The following TPGS2 variants were observed in gnomAD, a reference collection of about 807,000 sequenced individuals.
TPGS2 encodes tubulin polyglutamylase complex subunit 2, also known as polyglutamylase subunit 2.
TPGS2 carries 26 observed loss-of-function variants against 31.1 expected under a neutral mutation model. That is an observed-to-expected ratio of 0.84 (90% CI 0.61 to 1.16). The LOEUF (loss-of-function observed/expected upper bound fraction) is 1.16. Among genes scored for constraint, TPGS2 ranks in the 50% most tolerant of loss-of-function variants. The pLI is 0.00. For synonymous variants in TPGS2, 130 were observed against 136.6 expected, an observed-to-expected ratio of 0.95 and a Z score of 0.34; for missense variants, 351 against 363.8, an observed-to-expected ratio of 0.96 and a Z score of 0.29.
At chr18:36,790,270 A>G (rs1002003384), downstream of TPGS2, 1 of 152,194 alleles carries the variant, frequency 6.6e-6, no homozygotes, top group Non-Finnish European at 1.5e-5. Flanking sequence ...TGGTGGTGGT[A>G]TATGTTTTCA....
chr18:36,808,875 T>A (rs2045292215), intron 2 of TPGS2, among the ~76,000 whole-genome samples: 1 of 152,090 alleles, frequency 6.6e-6, no homozygotes, highest in Non-Finnish European at 1.5e-5. Flanking sequence ...TGACCAGTCT[T>A]CCCTAGCCAA....
At chr18:36,814,163 T>C (rs2045554363) in intron 2 of TPGS2, among the ~76,000 whole-genome samples, 1 of 152,224 alleles carries the variant, frequency 6.6e-6, no homozygotes, top group Non-Finnish European at 1.5e-5. Flanking sequence ...AACTATGAAA[T>C]GTCACTGAAA....
intron 3 of TPGS2, among the ~76,000 whole-genome samples, chr18:36,807,269 G>A (rs2045198954): frequency 6.6e-6 from 1 of 152,178 alleles, no homozygotes; most frequent in Non-Finnish European, 1.5e-5. Flanking sequence ...AATCTGACAT[G>A]TACAAACTTG....
Position 36,805,467 on chromosome 18 carries a change from T to TGTTA in TPGS2, c.285_288dup (p.Ser97Ter). On this transcript the variant is annotated stop_gained and frameshift_variant, in exon 4 of 7. Coordinates refer to ENST00000334295, the MANE Select transcript of TPGS2 (RefSeq NM_015476.4). LOFTEE classifies it high-confidence loss of function. ...GTGAGCTGAGTCAGTTTTGAGATGC[T>TGTTA]GTTAATTGCCATGCTTCCCAGTGGA... is the stretch of plus-strand genomic sequence containing the variant. 6.2e-7 allele frequency: 1 copy of TGTTA among 1,614,080 alleles called. No individual in the cohort carries two copies. The highest frequency in any genetic ancestry group is 1.1e-5 in the South Asian group (1 of 91,070).
chr18:36,798,753 C>A, intron 5 of TPGS2, 144 bp from the exon 6 acceptor site: 1 of 1,337,796 alleles, frequency 7.5e-7, no homozygotes, highest in Non-Finnish European at 9.9e-7. Flanking sequence ...CCCCTTCTGC[C>A]CCACTTCTAA....
intron 3 of TPGS2, 31 bp downstream of exon 3, chr18:36,807,816 G>C (rs757398791): frequency 1.9e-6 from 3 of 1,603,082 alleles, no homozygotes; most frequent in Non-Finnish European, 1.7e-6. Flanking sequence ...CTCAGCCAGG[G>C]AAATGTTCTC....
At chr18:36,827,952 A>G (rs1282286141) in intron 1 of TPGS2, among the ~76,000 whole-genome samples, 1 of 152,198 alleles carries the variant, frequency 6.6e-6, no homozygotes, top group African/African-American at 2.4e-5. Context: ...CACGCCTGTA[A>G]TTCCAGCACT....
intron 6 of TPGS2, chr18:36,786,478 A>C (rs889836487): frequency 6.3e-6 from 1 of 159,584 alleles, no homozygotes; most frequent in African/African-American, 2.4e-5. Flanking sequence ...CGGCCTCCCA[A>C]AGTGCTGCGA....
chr18:36,791,269 C>T (rs2044300290), downstream of TPGS2, among the ~76,000 whole-genome samples: 3 of 152,168 alleles, frequency 2.0e-5, no homozygotes, highest in African/African-American at 2.4e-5. Context: ...ATAAATTACC[C>T]AGCTTTAGGT....
At chr18:36,816,667 T>A (rs1159770177) in intron 2 of TPGS2, among the ~76,000 whole-genome samples, 1 of 152,090 alleles carries the variant, frequency 6.6e-6, no homozygotes, top group Non-Finnish European at 1.5e-5. Context: ...GGAGTGCAGT[T>A]GTGCGATCTC....
intron 2 of TPGS2, among the ~76,000 whole-genome samples, chr18:36,817,218 C>T (rs933848025): frequency 3.3e-5 from 5 of 152,138 alleles, no homozygotes; most frequent in African/African-American, 1.2e-4. Context: ...TACTGAGCTG[C>T]CAGAAAAGCT....
intron 1 of TPGS2, among the ~76,000 whole-genome samples, chr18:36,825,397 A>G (rs1192937308): frequency 4.1e-5 from 6 of 145,366 alleles, no homozygotes; most frequent in Non-Finnish European, 8.9e-5. Flanking sequence ...ACACCACTGC[A>G]CTCCAGCCTG....
At chr18:36,781,462 G>A (rs1417243860), downstream of TPGS2, among the ~76,000 whole-genome samples, 1 of 152,122 alleles carries the variant, frequency 6.6e-6, no homozygotes, top group Non-Finnish European at 1.5e-5. Context: ...GACCATCCTG[G>A]CCAACATGGT....
chr18:36,796,800 G>A lies in TPGS2; in HGVS notation c.*5C>T. ...GAGCTGGTAGGGAGTTGGAGGGAGG[G>A]GTGCTCACTTCCGGGTGGGGTTTCC... On this transcript the variant is annotated 3_prime_UTR_variant, in exon 7 of 7. Transcript: ENST00000334295. 2 of 1,592,986 alleles carry A rather than the reference G, an allele frequency of 1.3e-6. No homozygotes were observed. The highest frequency in any genetic ancestry group is 1.7e-6 in the Non-Finnish European group (2 of 1,174,104).
At chr18:36,800,386 A>G (rs907199034) in intron 4 of TPGS2, 75 bp from the exon 5 acceptor site, 1 of 1,281,960 alleles carries the variant, frequency 7.8e-7, no homozygotes, top group Non-Finnish European at 1.1e-6. Flanking sequence ...CAACTTTGCT[A>G]GGTGGAAAAA....
At chr18:36,812,463 T>C (rs1433134849) in intron 2 of TPGS2, among the ~76,000 whole-genome samples, 1 of 152,204 alleles carries the variant, frequency 6.6e-6, no homozygotes, top group Non-Finnish European at 1.5e-5. Flanking sequence ...AGACAGAGTT[T>C]GAAGAGCTTC....
intron 1 of TPGS2, 98 bp from the exon 2 acceptor site, chr18:36,819,071 C>T: frequency 1.0e-6 from 1 of 972,790 alleles, no homozygotes; most frequent in South Asian, 1.5e-5. Context: ...CTCTTAAGAA[C>T]ATCCAATCCT....
At chr18:36,820,059 G>A (rs1019859485) in intron 1 of TPGS2, among the ~76,000 whole-genome samples, 5 of 152,208 alleles carry the variant, frequency 3.3e-5, no homozygotes, top group Non-Finnish European at 5.9e-5. Flanking sequence ...TTAAGCCAGT[G>A]TCCTTTTTAT....
intron 4 of TPGS2, among the ~76,000 whole-genome samples, chr18:36,805,043 C>G (rs924832482): frequency 6.6e-6 from 1 of 152,134 alleles, no homozygotes; most frequent in Non-Finnish European, 1.5e-5. Context: ...AAATAAATTG[C>G]TATTTAAACA....
Sources: allele counts gnomAD v4.1 joint callset (sites outside exome capture counted in the v4.1 genomes callset), GRCh38; gene constraint gnomAD v4.1.1; transcripts MANE v1.5; gene names NCBI Gene and HGNC (gene_info 2026-07-23, HGNC 2026-07-21).